Variants in CHGB observed in about 807,000 individuals in gnomAD.
The protein encoded by CHGB is chromogranin B.
CHGB carries 46 observed loss-of-function variants against 69.9 expected under a neutral mutation model. That is an observed-to-expected ratio of 0.66 (90% CI 0.52 to 0.84). The LOEUF (loss-of-function observed/expected upper bound fraction) is 0.84, where lower values mean the gene tolerates loss of function less well. Ranked by LOEUF, CHGB falls within the 40% of genes least tolerant of loss-of-function variation. The probability of loss-of-function intolerance (pLI) is 0.00; values close to 1 mark genes in which losing one functional copy is unlikely to be tolerated. For synonymous variants in CHGB, 312 were observed against 298.2 expected, an observed-to-expected ratio of 1.05 and a Z score of -0.48; for missense variants, 796 against 822.2, an observed-to-expected ratio of 0.97 and a Z score of 0.39.
chr20:5,920,579 C>T (rs976730273), intron 3 of CHGB, among the ~76,000 whole-genome samples: 1 of 152,188 alleles, frequency 6.6e-6, no homozygotes. Flanking sequence ...GCACTAATCC[C>T]ATTGTAAGTG....
chr20:5,920,467 T>C (rs2088507457), intron 3 of CHGB, among the ~76,000 whole-genome samples: 1 of 152,222 alleles, frequency 6.6e-6, no homozygotes. Context: ...CAGAGTGTCT[T>C]ATGAGGGCCC....
In CHGB at chr20:5,912,350, C is replaced by T. The variant is rs2088451582; in HGVS notation, c.49+668C>T. Among the ~76,000 whole-genome samples, 4 of 151,310 alleles carry T rather than the reference C, an allele frequency of 2.6e-5. No individual in the cohort carries two copies. The South Asian group carries it at 8.3e-4, about 32-fold the overall frequency. On this transcript the variant is annotated intron_variant, in intron 1 of 4. Coordinates refer to ENST00000378961, the MANE Select transcript of CHGB (RefSeq NM_001819.3). ...CTCAAAGGAATTATTTTTTTTTAAC[C>T]TGTGAAAGCCTCAGCAGTCCTGAGA...
intron 2 of CHGB, 85 bp downstream of exon 2, chr20:5,916,457 C>A: frequency 1.7e-6 from 2 of 1,157,708 alleles, no homozygotes; most frequent in Non-Finnish European, 2.5e-6. Context: ...ACCAAACACA[C>A]GCATGACATA....
At position 5,923,042 on chromosome 20, in the gene CHGB, C is replaced by T. The variant is rs778423183; in HGVS notation, c.898C>T (p.Pro300Ser). The stretch of plus-strand genomic sequence containing the variant: ...CAGGTCCTCTCAAGGAGGGAGTCTT[C>T]CCTCTGAGGAAAAGGGACACCCCCA... ...PDRSSQGGSL[P>S]SEEKGHPQEE... Residue 300 changes from proline (P) to serine (S), a missense_variant, in exon 4 of 5, where the codon CCC becomes TCC. Pro to Ser is a moderately conservative substitution (Grantham distance 74). Transcript: ENST00000378961. 1 of 1,613,646 alleles carries T rather than the reference C, an allele frequency of 6.2e-7. No homozygotes were observed. The highest frequency in any genetic ancestry group is 1.1e-5 in the South Asian group (1 of 91,026).
At chr20:5,918,809 C>CT in intron 3 of CHGB, among the ~76,000 whole-genome samples, 1 of 38,974 alleles carries the variant, frequency 2.6e-5, no homozygotes, top group African/African-American at 1.1e-4. Context: ...GAGTCTCTGT[C>CT]TAAAAAAAAA....
At chr20:5,914,987 G>A (rs1457700983) in intron 1 of CHGB, among the ~76,000 whole-genome samples, 1 of 152,218 alleles carries the variant, frequency 6.6e-6, no homozygotes, top group Non-Finnish European at 1.5e-5. Flanking sequence ...GAAAGGTCAG[G>A]TTGCTGCATT....
intron 1 of CHGB, 49 bp downstream of exon 1, chr20:5,911,731 G>C (rs1248322720): frequency 4.4e-6 from 6 of 1,362,748 alleles, no homozygotes; most frequent in Non-Finnish European, 5.7e-6. Flanking sequence ...CGCCAGCCTC[G>C]CTCTTCCCCG....
intron 4 of CHGB, 51 bp from the exon 5 acceptor site, chr20:5,924,921 C>A: frequency 1.7e-6 from 2 of 1,146,866 alleles, no homozygotes; most frequent in Non-Finnish European, 1.3e-6. Context: ...CAAACTACAG[C>A]AAAAGAAATT....
chr20:5,916,455 C>T, intron 2 of CHGB, 83 bp downstream of exon 2: 2 of 1,169,742 alleles, frequency 1.7e-6, no homozygotes, highest in Non-Finnish European at 2.5e-6. Flanking sequence ...AAACCAAACA[C>T]ACGCATGACA....
intron 1 of CHGB, among the ~76,000 whole-genome samples, chr20:5,914,103 G>A (rs1172009337): frequency 6.6e-6 from 1 of 151,778 alleles, no homozygotes; most frequent in Non-Finnish European, 1.5e-5. Context: ...CTTTTAACAC[G>A]AGCAGTAGGT....
At position 5,916,893 on chromosome 20, in the gene CHGB, C is replaced by T. The variant is rs750007387; in HGVS notation, c.164C>T (p.Pro55Leu). 2.5e-6 allele frequency: 4 copies of T among 1,614,222 alleles called. No individual in the cohort carries two copies. Among genetic ancestry groups the T allele is most frequent in the Non-Finnish European group, 2.5e-6 (3 of 1,180,032 alleles). ...AAGTCCAGCGCTCCACCCATCACCCCTGAGTGCCGCCAAGTCCTGAAGACG... is the reference window on the plus strand; with the variant it reads ...AAGTCCAGCGCTCCACCCATCACCCTTGAGTGCCGCCAAGTCCTGAAGACG... The part of the protein sequence containing the change: ...LSKSSAPPIT[P>L]ECRQVLKTSR... The change falls in exon 3 of 5, where the codon CCT becomes CTT. Residue 55 changes from proline (P) to leucine (L), a missense_variant. Physicochemically the swap from Pro to Leu is moderately conservative, Grantham distance 98. Coordinates refer to ENST00000378961, the MANE Select transcript of CHGB (RefSeq NM_001819.3).
At chr20:5,919,557 G>A (rs2088501623) in intron 3 of CHGB, among the ~76,000 whole-genome samples, 2 of 152,180 alleles carry the variant, frequency 1.3e-5, no homozygotes, top group South Asian at 2.1e-4. Context: ...AGACTATGTT[G>A]TCAAATCTTG....
chr20:5,922,577 G>C lies in CHGB; in HGVS notation c.433G>C (p.Asp145His). 2 of 1,613,760 alleles carry C rather than the reference G, an allele frequency of 1.2e-6. No homozygotes were observed. Among genetic ancestry groups the C allele is most frequent in the Non-Finnish European group, 1.7e-6 (2 of 1,179,876 alleles). The change falls in exon 4 of 5, where the codon GAC becomes CAC. Residue 145 changes from aspartate to histidine, a missense_variant. Asp to His is a moderately conservative substitution (Grantham distance 81). Around this residue, in one of 3 missense-constraint regions of CHGB, gnomAD observed 518 missense variants for 506.3 expected, o/e 1.02. Transcript: ENST00000378961. ...GCCCCAGTGGAGCCTCTATCCCTCCGACAGCCAAGTCTCTGAAGAAGTGAA... is the reference window on the plus strand; with the variant it reads ...GCCCCAGTGGAGCCTCTATCCCTCCCACAGCCAAGTCTCTGAAGAAGTGAA... ...DEPQWSLYPS[D>H]SQVSEEVKTR...
chr20:5,913,631 T>TTCTTTTCTTTTC (rs929625385), intron 1 of CHGB, among the ~76,000 whole-genome samples: 1 of 134,354 alleles, frequency 7.4e-6, no homozygotes, highest in African/African-American at 3.4e-5. Context: ...TTCTTTTCTT[T>TTCTTTTCTTTTC]TTTTTTTTTT....
At position 5,923,733 on chromosome 20, in the gene CHGB, A is replaced by G. The variant is rs937887109; in HGVS notation, c.1589A>G (p.Gln530Arg). ...TTCAACCCATACTACGACCCTCTCC[A>G]GTGGAAGAGCAGCCATTTTGAAAGA... ...ELFNPYYDPL[Q>R]WKSSHFERRD... Residue 530 changes from glutamine to arginine, a missense_variant, in exon 4 of 5, where the codon CAG becomes CGG. Physicochemically the swap from Gln to Arg is conservative, Grantham distance 43. This residue lies in a region of CHGB where 274 missense variants were observed against 298.9 expected (regional missense o/e 0.92). Coordinates refer to ENST00000378961, the MANE Select transcript of CHGB (RefSeq NM_001819.3). The G allele has an allele frequency of 1.9e-6, 3 of 1,614,132 alleles. No homozygotes were observed. Among genetic ancestry groups the G allele is most frequent in the Admixed American group, 1.7e-5 (1 of 60,010 alleles).
intron 1 of CHGB, 80 bp from the exon 2 acceptor site, chr20:5,916,246 T>TG: frequency 9.8e-7 from 1 of 1,024,064 alleles, no homozygotes; most frequent in Admixed American, 1.9e-5. Flanking sequence ...ACAACTAATG[T>TG]GGGGTGATTT....
rs1289315671 is a variant in CHGB, at chr20:5,913,628, C to CTTTTCT, written c.49+1950_49+1951insCTTTTT. On this transcript the variant is annotated intron_variant, in intron 1 of 4. Transcript: ENST00000378961. ...CTTTCTTTTTCTTTTCTTTTCTTTTCTTTTTTTTTTTTTTTTTTTGAGACA... is the reference window on the plus strand; with the variant it reads ...CTTTCTTTTTCTTTTCTTTTCTTTTCTTTTCTTTTTTTTTTTTTTTTTTTTGAGACA... Among the ~76,000 whole-genome samples the CTTTTCT allele has an allele frequency of 3.7e-3, 336 of 90,468 alleles. 2 individuals are homozygous for CTTTTCT. Among genetic ancestry groups the CTTTTCT allele is most frequent in the African/African-American group, 0.011 (300 of 27,132 alleles). 59.4% of individuals were successfully genotyped at this position (90,468 alleles called of 152,430 possible).
chr20:5,913,628 C>CTTTTCTTTTCTTTTCTTTTCTT (rs1289315671), intron 1 of CHGB, among the ~76,000 whole-genome samples: 1 of 90,474 alleles, frequency 1.1e-5, no homozygotes, highest in African/African-American at 3.7e-5. Context: ...CTTTTCTTTT[C>CTTTTCTTTTCTTTTCTTTTCTT]TTTTTTTTTT....
Position 5,923,067 on chromosome 20 carries a change from A to G in CHGB, c.923A>G (p.Gln308Arg). 1.2e-6 allele frequency: 2 copies of G among 1,614,132 alleles called. No individual in the cohort carries two copies. The highest frequency in any genetic ancestry group is 2.7e-5 in the African/African-American group (2 of 75,046). Residue 308 changes from glutamine (Q) to arginine (R), a missense_variant, in exon 4 of 5, where the codon CAG becomes CGG. Gln to Arg is a conservative substitution (Grantham distance 43). This residue lies in a region of CHGB where 518 missense variants were observed against 506.3 expected (regional missense o/e 1.02). Coordinates refer to ENST00000378961, the MANE Select transcript of CHGB (RefSeq NM_001819.3). ...SLPSEEKGHPQEESEESNVSM... is the reference protein window; with the variant it reads ...SLPSEEKGHPREESEESNVSM... ...CCCTCTGAGGAAAAGGGACACCCCC[A>G]GGAGGAATCTGAGGAGTCAAACGTC...
Sources: gnomAD v4.1 joint callset for allele counts (sites outside exome capture counted in the v4.1 genomes callset) on GRCh38, gnomAD v4.1.1 for gene constraint, gnomAD v4.1.1 regional missense constraint, MANE v1.5 for transcripts, NCBI Gene and HGNC (gene_info 2026-07-23, HGNC 2026-07-21) for gene names.